Variants in DUSP19 observed in about 807,000 individuals in gnomAD.
DUSP19 encodes the protein dual specificity protein phosphatase 19.
In DUSP19, 14 loss-of-function variants were observed where a neutral mutation model predicts 16.6. The ratio of observed to expected loss-of-function variants is 0.84; its 90% CI spans 0.56 to 1.32. The LOEUF is 1.32. DUSP19 is among the 40% of genes most tolerant of loss of function. The probability of loss-of-function intolerance (pLI) is 0.00; values close to 1 mark genes in which losing one functional copy is unlikely to be tolerated. For missense variants in DUSP19, 258 were observed against 255.9 expected (o/e 1.01, Z -0.06); for synonymous variants, 81 against 90.5 (o/e 0.90, Z 0.59).
At chr2:183,087,245 G>C (rs1287230740) in intron 3 of DUSP19, 53 bp downstream of exon 3, 1 of 1,502,414 alleles carries the variant, frequency 6.7e-7, no homozygotes, top group Non-Finnish European at 9.0e-7. Flanking sequence ...TGAAAGTGTG[G>C]ATCCATTACC....
At chr2:183,094,056 T>C (rs1699766702) in intron 3 of DUSP19, among the ~76,000 whole-genome samples, 1 of 152,196 alleles carries the variant, frequency 6.6e-6, no homozygotes, top group African/African-American at 2.4e-5. Context: ...CTGTTGAAGT[T>C]TGAAAATGAG....
chr2:183,088,563 T>C (rs1449537042), intron 3 of DUSP19, among the ~76,000 whole-genome samples: 1 of 151,540 alleles, frequency 6.6e-6, no homozygotes, highest in Non-Finnish European at 1.5e-5. Flanking sequence ...GTTGGGACTA[T>C]AGGAGCACAC....
intron 1 of DUSP19, 118 bp downstream of exon 1, chr2:183,079,277 G>T: frequency 9.5e-7 from 1 of 1,050,874 alleles, no homozygotes; most frequent in Non-Finnish European, 1.4e-6. Flanking sequence ...AAGCTGAACT[G>T]TTTCCTTTTT....
Position 183,082,308 on chromosome 2 carries a change from T to G in DUSP19, c.227-1200T>G, listed in dbSNP as rs552096800. 8.5e-5 allele frequency among the ~76,000 whole-genome samples: 13 copies of G among 152,344 alleles called. No individual in the cohort carries two copies. The East Asian group carries it at 2.5e-3, about 29-fold the overall frequency. ...ACCCCATTGTTAACATTTTGTTCTA[T>G]GTATACCTCCTTTCCATTTTTTAAG... On this transcript the variant is annotated intron_variant, in intron 1 of 3. Transcript: ENST00000354221.
intron 1 of DUSP19, 32 bp from the exon 2 acceptor site, chr2:183,083,476 G>T (rs1699619907): frequency 1.9e-6 from 3 of 1,552,340 alleles, no homozygotes; most frequent in African/African-American, 2.8e-5. Context: ...GATTATATTT[G>T]TGTTCAAGGT....
chr2:183,092,287 T>C (rs964961085), intron 3 of DUSP19, among the ~76,000 whole-genome samples: 4 of 152,166 alleles, frequency 2.6e-5, no homozygotes, highest in African/African-American at 4.8e-5. Context: ...GTTTGTTACA[T>C]TGGTAAACGT....
intron 3 of DUSP19, among the ~76,000 whole-genome samples, chr2:183,091,961 A>G (rs1327588850): frequency 6.6e-6 from 1 of 152,066 alleles, no homozygotes; most frequent in East Asian, 1.9e-4. Flanking sequence ...ATTCCCCTCT[A>G]CTACTGTGGA....
At chr2:183,083,427 A>G (rs1699619389) in intron 1 of DUSP19, 81 bp from the exon 2 acceptor site, 4 of 1,324,474 alleles carry the variant, frequency 3.0e-6, no homozygotes, top group Non-Finnish European at 4.1e-6. Context: ...TTTTTTTAAT[A>G]ACAGAATTGC....
intron 1 of DUSP19, among the ~76,000 whole-genome samples, chr2:183,081,851 A>G (rs1048335173): frequency 2.0e-5 from 3 of 152,142 alleles, no homozygotes. Context: ...CTAAAATCAC[A>G]TAATAAAAGT....
chr2:183,097,879 GT>G lies in DUSP19; in HGVS notation c.*2225del, dbSNP rs1699824333. ...GTATTATTATTATTTTTGAGATGGA[GT>G]TTTGCTCTTAATGATATTATTATTA... On this transcript the variant is annotated 3_prime_UTR_variant, in exon 4 of 4. Transcript: ENST00000354221. 6.6e-6 allele frequency: 1 copy of G among 152,106 alleles called. No homozygotes were observed. The highest frequency in any genetic ancestry group is 1.5e-5 in the Non-Finnish European group (1 of 68,028). 9.4% of individuals were successfully genotyped at this position (152,106 alleles called of 1,614,324 possible).
chr2:183,084,751 T>C (rs964141007), intron 2 of DUSP19, among the ~76,000 whole-genome samples: 9 of 152,134 alleles, frequency 5.9e-5, no homozygotes, highest in Non-Finnish European at 1.0e-4. Context: ...GGAAAATCGA[T>C]TGGAGGGTTG....
intron 2 of DUSP19, among the ~76,000 whole-genome samples, chr2:183,084,787 G>A (rs914609627): frequency 4.6e-5 from 7 of 152,148 alleles, no homozygotes; most frequent in Admixed American, 1.3e-4. Flanking sequence ...GGGGAAACTG[G>A]TTATAAAGCT....
chr2:183,089,169 G>A (rs191845841), intron 3 of DUSP19, among the ~76,000 whole-genome samples: 37 of 152,300 alleles, frequency 2.4e-4, no homozygotes, highest in African/African-American at 8.9e-4. Context: ...TCTAGGCAGT[G>A]AGAGTGGCAA....
intron 1 of DUSP19, among the ~76,000 whole-genome samples, chr2:183,081,431 G>C (rs558151055): frequency 5.9e-5 from 9 of 152,134 alleles, no homozygotes; most frequent in Admixed American, 4.6e-4. Context: ...ACTTTTTGTA[G>C]AGATGCGGTT....
chr2:183,094,503 C>T (rs949202753), intron 3 of DUSP19, among the ~76,000 whole-genome samples: 9 of 152,292 alleles, frequency 5.9e-5, no homozygotes, highest in Non-Finnish European at 1.2e-4. Context: ...TTTTTAAAAG[C>T]TTCAGATAGG....
Position 183,087,024 on chromosome 2 carries a change from T to A in DUSP19, c.274-16T>A. ...CATGGGATTTAAAACAATCATCTTTTTTCTTTCTCTTTAAGGTGACTCATA... is the reference window on the plus strand; with the variant it reads ...CATGGGATTTAAAACAATCATCTTTATTCTTTCTCTTTAAGGTGACTCATA... On this transcript the variant is annotated splice_polypyrimidine_tract_variant and intron_variant, in intron 2 of 3. Coordinates refer to ENST00000354221, the MANE Select transcript of DUSP19 (RefSeq NM_080876.4). 3 of 1,600,792 alleles carry A rather than the reference T, an allele frequency of 1.9e-6. No individual in the cohort carries two copies. Among genetic ancestry groups the A allele is most frequent in the Non-Finnish European group, 2.5e-6 (3 of 1,177,454 alleles).
intron 1 of DUSP19, among the ~76,000 whole-genome samples, chr2:183,082,058 A>C (rs1405670767): frequency 6.6e-6 from 1 of 152,222 alleles, no homozygotes; most frequent in Non-Finnish European, 1.5e-5. Flanking sequence ...CTGTGACAGA[A>C]AGAGATTGTA....
chr2:183,091,721 A>C (rs1479988575), intron 3 of DUSP19, among the ~76,000 whole-genome samples: 2 of 152,218 alleles, frequency 1.3e-5, no homozygotes, highest in Non-Finnish European at 2.9e-5. Flanking sequence ...TGTGGACAGC[A>C]AATTTCCCAT....
rs1189252815 is a variant in DUSP19 at position 183,098,808 on chromosome 2, A to G, written c.*3150A>G. ...AATTTTTTTCTAATTTTATGCCTTA[A>G]AATAGGTTTCTGATTACATAAAATT... On this transcript the variant is annotated 3_prime_UTR_variant, in exon 4 of 4. Transcript: ENST00000354221. 1.3e-5 allele frequency: 2 copies of G among 152,184 alleles called. No homozygotes were observed. Among genetic ancestry groups the G allele is most frequent in the Non-Finnish European group, 2.9e-5 (2 of 68,010 alleles). 9.4% of individuals were successfully genotyped at this position (152,184 alleles called of 1,614,324 possible). A position where few individuals can be genotyped will look rare whatever the true frequency, so the allele number is the denominator to read the frequency against.
Sources: gnomAD v4.1 joint callset for allele counts (sites outside exome capture counted in the v4.1 genomes callset) on GRCh38, gnomAD v4.1.1 for gene constraint, MANE v1.5 for transcripts, NCBI Gene and HGNC (gene_info 2026-07-23, HGNC 2026-07-21) for gene names.